RNPEP: variants seen among roughly 807,000 people sequenced by gnomAD.
The protein encoded by RNPEP is arginyl aminopeptidase.
A neutral mutation model predicts 70.1 loss-of-function variants in RNPEP; 57 were observed. The ratio of observed to expected loss-of-function variants is 0.81; its 90% CI spans 0.66 to 1.01. RNPEP has a LOEUF of 1.01. Among genes scored for constraint, RNPEP ranks in the 50% least tolerant of loss-of-function variants. The probability of loss-of-function intolerance (pLI) is 0.00; values close to 1 mark genes in which losing one functional copy is unlikely to be tolerated. For synonymous variants in RNPEP, 335 were observed against 357.4 expected (o/e 0.94, Z 0.71); for missense variants, 787 against 852.4 (o/e 0.92, Z 0.96).
At chr1:201,985,054 G>A (rs1420832991) in intron 1 of RNPEP, among the ~76,000 whole-genome samples, 1 of 151,764 alleles carries the variant, frequency 6.6e-6, no homozygotes, top group Non-Finnish European at 1.5e-5. Flanking sequence ...TTAGCTGGTT[G>A]TGGTGGCTCA....
At chr1:202,002,490 C>T (rs976093373) in intron 8 of RNPEP, among the ~76,000 whole-genome samples, 2 of 152,142 alleles carry the variant, frequency 1.3e-5, no homozygotes, top group Non-Finnish European at 2.9e-5. Flanking sequence ...GGTACCACTT[C>T]CAAAGAAAAA....
At chr1:201,986,162 TCAAA>T (rs1415687017) in intron 1 of RNPEP, among the ~76,000 whole-genome samples, 1 of 152,242 alleles carries the variant, frequency 6.6e-6, no homozygotes, top group Admixed American at 6.5e-5. Flanking sequence ...ACGCTTGGGC[TCAAA>T]CAAACAATTC....
At chr1:201,993,284 A>G (rs1036635099) in intron 3 of RNPEP, among the ~76,000 whole-genome samples, 9 of 152,100 alleles carry the variant, frequency 5.9e-5, no homozygotes, top group Non-Finnish European at 1.3e-4. Context: ...AGTTTCTCTA[A>G]GATCTATAGC....
At chr1:201,983,425 G>A (rs1683013246) in intron 1 of RNPEP, 1 of 1,465,380 alleles carries the variant, frequency 6.8e-7, no homozygotes, top group Non-Finnish European at 9.2e-7. Flanking sequence ...CCCGCTCATC[G>A]CACACTGCCG....
chr1:201,988,861 G>C, intron 1 of RNPEP, 43 bp from the exon 2 acceptor site: 1 of 1,576,372 alleles, frequency 6.3e-7, no homozygotes, highest in Non-Finnish European at 8.6e-7. Flanking sequence ...GACTGAGCTC[G>C]TGTGGGAGAT....
intron 2 of RNPEP, 46 bp from the exon 3 acceptor site, chr1:201,989,337 G>T (rs1683240007): frequency 6.2e-7 from 1 of 1,601,316 alleles, no homozygotes; most frequent in African/African-American, 1.3e-5. Context: ...CTAATCAAAA[G>T]GAAACTCTCT....
chr1:201,989,632 T>A (rs1009149411), intron 3 of RNPEP, 101 bp downstream of exon 3: 1 of 1,294,512 alleles, frequency 7.7e-7, no homozygotes, highest in African/African-American at 1.5e-5. Flanking sequence ...CAGTCTTGGA[T>A]CCTCTGTCTG....
At chr1:202,004,577 C>A in intron 10 of RNPEP, 81 bp downstream of exon 10, 1 of 1,541,390 alleles carries the variant, frequency 6.5e-7, no homozygotes, top group Non-Finnish European at 8.8e-7. Context: ...GTGGGCAGGG[C>A]TCATCTAGGA....
intron 9 of RNPEP, among the ~76,000 whole-genome samples, chr1:202,004,098 A>G (rs1463332954): frequency 2.0e-5 from 3 of 152,080 alleles, no homozygotes; most frequent in African/African-American, 7.2e-5. Context: ...GCTCACAGCA[A>G]CCTCCACCTT....
In RNPEP at chr1:201,989,406, G is replaced by A; in HGVS notation, c.612G>A (p.Val204=). 1 of 1,614,226 alleles carries A rather than the reference G, an allele frequency of 6.2e-7. No homozygotes were observed. The highest frequency in any genetic ancestry group is 8.5e-7 in the Non-Finnish European group (1 of 1,180,040). ...AGGTCCCAGATGGCTTCACAGCTGT[G>A]ATGAGTGCTAGCACCTGGGAGAAGA... ...LIEVPDGFTA[V]MSASTWEKRG... is the part of the protein sequence containing the mutation. The change falls in exon 3 of 11, where the codon GTG becomes GTA. Residue 204 remains valine, a synonymous_variant. Transcript: ENST00000295640.
chr1:202,000,103 C>T (rs1222834082), intron 6 of RNPEP, 88 bp downstream of exon 6: 18 of 926,180 alleles, frequency 1.9e-5, no homozygotes, highest in Non-Finnish European at 2.9e-5. Context: ...GATCAGTGCA[C>T]GCTTAGAATA....
At position 201,999,888 on chromosome 1, in the gene RNPEP, T is replaced by G; in HGVS notation, c.1091-14T>G. The G allele has an allele frequency of 6.2e-7, 1 of 1,607,698 alleles. No individual in the cohort carries two copies. Among genetic ancestry groups the G allele is most frequent in the Non-Finnish European group, 8.5e-7 (1 of 1,176,066 alleles). On this transcript the variant is annotated splice_polypyrimidine_tract_variant and intron_variant, in intron 5 of 10. Transcript: ENST00000295640. ...CAGACGTTTTCCCGAGGCTTACGTT[T>G]GATTCTGCACCAGGCGCTGCGTACA...
At chr1:201,996,449 T>C in intron 4 of RNPEP, 186 bp downstream of exon 4, 1 of 560,154 alleles carries the variant, frequency 1.8e-6, no homozygotes, top group Non-Finnish European at 3.2e-6. Flanking sequence ...GGAGAGGGCC[T>C]AGGAGATGAG....
chr1:201,988,939 G>T lies in RNPEP; in HGVS notation c.483G>T (p.Lys161Asn). The T allele has an allele frequency of 1.9e-6, 3 of 1,613,498 alleles. No individual in the cohort carries two copies. Among genetic ancestry groups the T allele is most frequent in the Non-Finnish European group, 2.5e-6 (3 of 1,179,754 alleles). The change falls in exon 2 of 11, where the codon AAG becomes AAT. Residue 161 changes from lysine (K) to asparagine (N), a missense_variant. Transcript: ENST00000295640. ...CWLAPEQTAG[K>N]KKPFVYTQGQ... The stretch of plus-strand genomic sequence containing the variant: ...TGGCTCCCGAGCAGACAGCAGGAAA[G>T]AAGAAGCCCTTCGTGTACACCCAGG...
chr1:201,985,048 C>A (rs1466786703), intron 1 of RNPEP, among the ~76,000 whole-genome samples: 1 of 151,726 alleles, frequency 6.6e-6, no homozygotes, highest in African/African-American at 2.4e-5. Context: ...CAAAAATTAG[C>A]TGGTTGTGGT....
At chr1:202,002,191 TTC>T (rs1187936360) in intron 8 of RNPEP, among the ~76,000 whole-genome samples, 1 of 150,918 alleles carries the variant, frequency 6.6e-6, no homozygotes, top group Non-Finnish European at 1.5e-5. Context: ...GAGATGGAGT[TTC>T]GCTCTTGTTG....
intron 4 of RNPEP, 80 bp downstream of exon 4, chr1:201,996,343 C>T (rs946593314): frequency 8.1e-6 from 8 of 985,064 alleles, no homozygotes; most frequent in Admixed American, 3.6e-5. Flanking sequence ...GTGGCTTTTC[C>T]ACCTCCTGCC....
intron 6 of RNPEP, among the ~76,000 whole-genome samples, chr1:202,000,610 G>C (rs1328298936): frequency 6.6e-6 from 1 of 152,160 alleles, no homozygotes; most frequent in African/African-American, 2.4e-5. Flanking sequence ...TGGAACAGCT[G>C]TAAAAACAAC....
rs1489424290 is a variant in RNPEP at position 201,997,389 on chromosome 1, A to AC, written c.930dup (p.Cys311LeufsTer16). 4 of 1,613,650 alleles carry AC rather than the reference A, an allele frequency of 2.5e-6. No individual in the cohort carries two copies. The highest frequency in any genetic ancestry group is 3.4e-6 in the Non-Finnish European group (4 of 1,179,936). ...GGAGAACCCTTGTCTGACCTTTGTC[A>AC]CCCCCTGCCTGCTAGCTGGGGACCG... On this transcript the variant is annotated frameshift_variant, in exon 5 of 11. Transcript: ENST00000295640. LOFTEE classifies it high-confidence loss of function.
Sources: gnomAD v4.1 joint callset for allele counts (sites outside exome capture counted in the v4.1 genomes callset) on GRCh38, gnomAD v4.1.1 for gene constraint, MANE v1.5 for transcripts, NCBI Gene and HGNC (gene_info 2026-07-23, HGNC 2026-07-21) for gene names.